Variants in SH3RF1 observed in about 807,000 individuals in gnomAD.
The protein encoded by SH3RF1 is SH3 domain containing ring finger 1.
SH3RF1 carries 32 observed loss-of-function variants against 74.0 expected under a neutral mutation model. That is an observed-to-expected ratio of 0.43 (90% CI 0.33 to 0.58). The LOEUF is 0.58. SH3RF1 is among the 20% of genes least tolerant of loss of function. The probability of loss-of-function intolerance (pLI) is 0.05; values close to 1 mark genes in which losing one functional copy is unlikely to be tolerated. For synonymous variants in SH3RF1, 396 were observed against 439.6 expected, an observed-to-expected ratio of 0.90 and a Z score of 1.24; for missense variants, 954 against 1,130.9, an observed-to-expected ratio of 0.84 and a Z score of 2.24.
At chr4:169,167,112 C>A in intron 2 of SH3RF1, 1 of 164,014 alleles carries the variant, frequency 6.1e-6, no homozygotes. Flanking sequence ...CAAAGTGGTG[C>A]TCTAAATTTC....
chr4:169,180,053 GGA>G (rs1274829470), intron 2 of SH3RF1, among the ~76,000 whole-genome samples: 102 of 152,044 alleles, frequency 6.7e-4, no homozygotes, highest in African/African-American at 2.4e-3. Flanking sequence ...CACTGCATGG[GGA>G]CGTAAGCAGA....
At chr4:169,257,905 T>C (rs1307455956) in intron 2 of SH3RF1, among the ~76,000 whole-genome samples, 2 of 152,168 alleles carry the variant, frequency 1.3e-5, no homozygotes, top group Non-Finnish European at 2.9e-5. Context: ...AAGGCTCCTG[T>C]GGCAGGCACA....
In SH3RF1 at chr4:169,120,832, C is replaced by G; in HGVS notation, c.1504G>C (p.Ala502Pro). 1 of 1,614,110 alleles carries G rather than the reference C, an allele frequency of 6.2e-7. No individual in the cohort carries two copies. Among genetic ancestry groups the G allele is most frequent in the Middle Eastern group, 1.7e-4 (1 of 6,060 alleles). ...TCAAAACCATACCTTGTGACTGGTGCCACATAATTGCCAGGGAAAACCCCT... is the reference window on the plus strand; with the variant it reads ...TCAAAACCATACCTTGTGACTGGTGGCACATAATTGCCAGGGAAAACCCCT... The part of the protein sequence containing the change: ...KIGVFPGNYV[A>P]PVTRAVTNAS... Residue 502 changes from alanine (A) to proline (P), a missense_variant, in exon 8 of 12, where the codon GCA becomes CCA. Coordinates refer to ENST00000284637, the MANE Select transcript of SH3RF1 (RefSeq NM_020870.4).
In SH3RF1 at chr4:169,192,852, CAT is replaced by C. The variant is rs369932424; in HGVS notation, c.394-36175_394-36174del. On this transcript the variant is annotated intron_variant, in intron 2 of 11. Transcript: ENST00000284637. ...TATCATATAGATGTGATATATATAT[CAT>C]ATAGATGTGATATATATATCATATA... 2.8e-5 allele frequency among the ~76,000 whole-genome samples: 4 copies of C among 144,864 alleles called. No individual in the cohort carries two copies. In the East Asian group the frequency reaches 8.0e-4, roughly 29 times the overall value.
chr4:169,228,517 T>G (rs116052521), intron 2 of SH3RF1, among the ~76,000 whole-genome samples: 1,541 of 152,232 alleles, frequency 0.01, 30 homozygotes, highest in African/African-American at 0.035. Flanking sequence ...CCTCATCACA[T>G]AACATCACTC....
chr4:169,103,872 G>C (rs1013115616), intron 11 of SH3RF1, among the ~76,000 whole-genome samples: 1 of 152,130 alleles, frequency 6.6e-6, no homozygotes, highest in Non-Finnish European at 1.5e-5. Context: ...TTTCCCACTT[G>C]TAAAAATTTA....
chr4:169,246,222 C>T (rs1730993086), intron 2 of SH3RF1, among the ~76,000 whole-genome samples: 1 of 152,186 alleles, frequency 6.6e-6, no homozygotes, highest in African/African-American at 2.4e-5. Context: ...AAATAAGACT[C>T]AGCTACAGTT....
At chr4:169,123,349 AT>A (rs1554004495) in intron 6 of SH3RF1, among the ~76,000 whole-genome samples, 2 of 152,232 alleles carry the variant, frequency 1.3e-5, no homozygotes, top group Non-Finnish European at 2.9e-5. Flanking sequence ...GTGGAAAAAA[AT>A]TTCAAATTTC....
rs1008760935 is a variant in SH3RF1 at position 169,116,156 on chromosome 4, G to C, written c.2139+113C>G. Reference sequence around the variant, plus strand: ...AGTGACTCACACGTAGGGAGCACCTGAGGGTTTGTTGAACAGTGAGTCCTC... The same window carrying C: ...AGTGACTCACACGTAGGGAGCACCTCAGGGTTTGTTGAACAGTGAGTCCTC... On this transcript the variant is annotated intron_variant, in intron 10 of 11. Coordinates refer to ENST00000284637, the MANE Select transcript of SH3RF1 (RefSeq NM_020870.4). The C allele has an allele frequency of 3.4e-6, 5 of 1,470,956 alleles. No individual in the cohort carries two copies. In the South Asian group the frequency reaches 4.1e-5, roughly 12 times the overall value. The allele number at this position is 1,470,956 out of a possible 1,614,324, so 91.1% of individuals were successfully genotyped here. A position where few individuals can be genotyped will look rare whatever the true frequency, so the allele number is the denominator to read the frequency against.
intron 3 of SH3RF1, 57 bp downstream of exon 3, chr4:169,156,347 G>A (rs1355994361): frequency 6.8e-7 from 1 of 1,465,568 alleles, no homozygotes; most frequent in African/African-American, 1.4e-5. Flanking sequence ...ATATTTCTAT[G>A]TATCTGGGTA....
intron 11 of SH3RF1, among the ~76,000 whole-genome samples, chr4:169,104,121 T>A (rs1366835611): frequency 6.6e-6 from 1 of 152,124 alleles, no homozygotes; most frequent in African/African-American, 2.4e-5. Flanking sequence ...ACTGAGGACA[T>A]CTGGCAACTG....
chr4:169,194,818 G>T (rs1165582810), intron 2 of SH3RF1, among the ~76,000 whole-genome samples: 1 of 152,170 alleles, frequency 6.6e-6, no homozygotes, highest in Non-Finnish European at 1.5e-5. Context: ...CCAGCTGCAT[G>T]ATCCTGCTGC....
chr4:169,149,087 T>C (rs998982595), intron 4 of SH3RF1, among the ~76,000 whole-genome samples: 3 of 152,196 alleles, frequency 2.0e-5, no homozygotes, highest in Non-Finnish European at 4.4e-5. Context: ...TACTGGAAAC[T>C]GTCCATTCGT....
intron 2 of SH3RF1, among the ~76,000 whole-genome samples, chr4:169,250,631 A>T (rs1731087692): frequency 6.6e-6 from 1 of 152,198 alleles, no homozygotes; most frequent in Non-Finnish European, 1.5e-5. Context: ...TACAGACAGG[A>T]ATAAATTTAA....
At chr4:169,247,424 G>A (rs909219715) in intron 2 of SH3RF1, among the ~76,000 whole-genome samples, 19 of 152,280 alleles carry the variant, frequency 1.2e-4, no homozygotes, top group East Asian at 7.7e-4. Context: ...AGTGAAGGAA[G>A]CCACAGAGCT....
intron 5 of SH3RF1, among the ~76,000 whole-genome samples, chr4:169,132,137 C>T (rs548227010): frequency 7.2e-5 from 11 of 152,090 alleles, no homozygotes; most frequent in Non-Finnish European, 1.3e-4. Context: ...GTTCAAAACG[C>T]GAAGTACATG....
chr4:169,231,624 C>T (rs116291315), intron 2 of SH3RF1, among the ~76,000 whole-genome samples: 2,321 of 152,072 alleles, frequency 0.015, 60 homozygotes, highest in African/African-American at 0.052. Context: ...TTCTCCTACA[C>T]TCAAGATTCT....
rs1434512947 is a variant in SH3RF1 at position 169,142,333 on chromosome 4, A to C, written c.766-5713T>G. 2.6e-5 allele frequency among the ~76,000 whole-genome samples: 4 copies of C among 152,164 alleles called. No homozygotes were observed. The East Asian group carries it at 7.7e-4, about 29-fold the overall frequency. On this transcript the variant is annotated intron_variant, in intron 4 of 11. Transcript: ENST00000284637. ...TGTGTGTATATATTTATGTCTATTAAATTAAAAATAATGTTCTAATTTGTT... is the reference window on the plus strand; with the variant it reads ...TGTGTGTATATATTTATGTCTATTACATTAAAAATAATGTTCTAATTTGTT...
chr4:169,101,919 A>G (rs528111082), intron 11 of SH3RF1, among the ~76,000 whole-genome samples: 1 of 152,306 alleles, frequency 6.6e-6, no homozygotes, highest in Admixed American at 6.5e-5. Flanking sequence ...AGCTCCACAG[A>G]CTTCCAATGC....
Sources: allele counts gnomAD v4.1 joint callset (sites outside exome capture counted in the v4.1 genomes callset), GRCh38; gene constraint gnomAD v4.1.1; transcripts MANE v1.5; gene names NCBI Gene and HGNC (gene_info 2026-07-23, HGNC 2026-07-21).